Variants in SNX7 observed in about 807,000 individuals in gnomAD.
The protein encoded by SNX7 is sorting nexin 7, also known as sorting nexin-7.
In SNX7, 35 loss-of-function variants were observed where a neutral mutation model predicts 48.4. The ratio of observed to expected loss-of-function variants is 0.72; its 90% CI spans 0.55 to 0.96. The LOEUF is 0.96. Among genes scored for constraint, SNX7 ranks in the 40% least tolerant of loss-of-function variants. The pLI, the probability that SNX7 is intolerant of heterozygous loss-of-function variation, is 0.00. For synonymous variants in SNX7, 190 were observed against 190.2 expected (o/e 1.00, Z 0.01); for missense variants, 553 against 548.9 (o/e 1.01, Z -0.07).
chr1:98,709,043 G>A (rs1266438072), intron 7 of SNX7, among the ~76,000 whole-genome samples: 1 of 152,074 alleles, frequency 6.6e-6, no homozygotes, highest in Non-Finnish European at 1.5e-5. Flanking sequence ...GTGGCATCTG[G>A]GCCATTTACT....
At position 98,673,215 on chromosome 1, in the gene SNX7, G is replaced by A. The variant is rs1378999624; in HGVS notation, c.180+11304G>A. On this transcript the variant is annotated intron_variant, in intron 1 of 8. Coordinates refer to ENST00000306121, the MANE Select transcript of SNX7 (RefSeq NM_015976.5). ...AGCAAATGTGAAAATGAGCTTTGCT[G>A]GTCATTCCTTCATCACAGTCTATGT... Among the ~76,000 whole-genome samples, 3 of 152,262 alleles carry A rather than the reference G, an allele frequency of 2.0e-5. No homozygotes were observed. In the East Asian group the frequency reaches 5.8e-4, roughly 29 times the overall value.
At chr1:98,697,289 T>C (rs1435805881) in intron 5 of SNX7, among the ~76,000 whole-genome samples, 1 of 152,046 alleles carries the variant, frequency 6.6e-6, no homozygotes, top group Non-Finnish European at 1.5e-5. Flanking sequence ...CCATTGTTTT[T>C]AAATTTCATA....
rs566459440 is a variant in SNX7, at chr1:98,684,606, A to C, written c.181-279A>C. Among the ~76,000 whole-genome samples the C allele has an allele frequency of 2.6e-5, 4 of 152,276 alleles. No individual in the cohort carries two copies. The South Asian group carries it at 8.3e-4, about 32-fold the overall frequency. On this transcript the variant is annotated intron_variant, in intron 1 of 8. Transcript: ENST00000306121. Reference sequence around the variant, plus strand: ...TCTTAATACTATTGCATTGGGGATTAAGTTTCAACATGACATTTGGAGGGA... The same window carrying C: ...TCTTAATACTATTGCATTGGGGATTCAGTTTCAACATGACATTTGGAGGGA...
chr1:98,732,348 T>A (rs77480924), intron 7 of SNX7, among the ~76,000 whole-genome samples: 3,159 of 152,102 alleles, frequency 0.021, 117 homozygotes, highest in African/African-American at 0.073. Flanking sequence ...AAGGCTTCAG[T>A]ATTTATAGGG....
intron 8 of SNX7, 62 bp downstream of exon 8, chr1:98,738,451 G>A (rs527831420): frequency 3.3e-5 from 50 of 1,497,436 alleles, no homozygotes; most frequent in South Asian, 1.1e-4. Flanking sequence ...CTTTTGGTCC[G>A]TCCAATGTTG....
chr1:98,730,605 G>A (rs934705520), intron 7 of SNX7, among the ~76,000 whole-genome samples: 12 of 151,868 alleles, frequency 7.9e-5, no homozygotes, highest in African/African-American at 2.7e-4. Context: ...CCTATTCACC[G>A]ACAGTAGACA....
At chr1:98,739,643 G>A (rs892181255) in intron 8 of SNX7, among the ~76,000 whole-genome samples, 8 of 152,078 alleles carry the variant, frequency 5.3e-5, no homozygotes, top group African/African-American at 9.7e-5. Context: ...GAAAAAATAA[G>A]GATATGTTTA....
At chr1:98,687,448 A>G (rs975806310) in intron 2 of SNX7, among the ~76,000 whole-genome samples, 2 of 152,090 alleles carry the variant, frequency 1.3e-5, no homozygotes, top group Non-Finnish European at 2.9e-5. Context: ...ACAGATACAA[A>G]TATATAAATA....
chr1:98,750,201 TATATA>T (rs1419886160), intron 8 of SNX7, among the ~76,000 whole-genome samples: 4 of 151,922 alleles, frequency 2.6e-5, no homozygotes, highest in South Asian at 2.1e-4. Context: ...TATTTTGACT[TATATA>T]ATAATTCGAA....
intron 1 of SNX7, among the ~76,000 whole-genome samples, chr1:98,683,350 T>C (rs953710105): frequency 5.9e-5 from 9 of 152,154 alleles, no homozygotes; most frequent in Non-Finnish European, 1.2e-4. Context: ...GGACTACAAC[T>C]GTCAGTTTTT....
intron 7 of SNX7, among the ~76,000 whole-genome samples, chr1:98,720,423 T>C (rs1374484443): frequency 1.3e-5 from 2 of 152,074 alleles, no homozygotes; most frequent in African/African-American, 4.8e-5. Flanking sequence ...ATGAAGTGAT[T>C]GAGAAAATAT....
At chr1:98,662,001 G>A in intron 1 of SNX7, 90 bp downstream of exon 1, 1 of 1,209,374 alleles carries the variant, frequency 8.3e-7, no homozygotes, top group Non-Finnish European at 1.0e-6. Context: ...TGGCGCGCTT[G>A]CCCTCCCGGG....
At chr1:98,671,323 A>G (rs2100911735) in intron 1 of SNX7, among the ~76,000 whole-genome samples, 1 of 152,292 alleles carries the variant, frequency 6.6e-6, no homozygotes, top group South Asian at 2.1e-4. Context: ...TTTGGATTGC[A>G]TGTATCAATC....
intron 8 of SNX7, among the ~76,000 whole-genome samples, chr1:98,748,545 A>G (rs1240720169): frequency 6.6e-6 from 1 of 151,960 alleles, no homozygotes; most frequent in Non-Finnish European, 1.5e-5. Flanking sequence ...TTCTGAATCA[A>G]GGACATTCTG....
At chr1:98,679,571 A>G (rs991089050) in intron 1 of SNX7, among the ~76,000 whole-genome samples, 2 of 152,202 alleles carry the variant, frequency 1.3e-5, no homozygotes, top group Non-Finnish European at 2.9e-5. Context: ...TCTAATATCA[A>G]AAGGTTAGTC....
intron 7 of SNX7, among the ~76,000 whole-genome samples, chr1:98,733,557 T>C (rs1653625348): frequency 6.6e-6 from 1 of 152,188 alleles, no homozygotes; most frequent in East Asian, 1.9e-4. Context: ...AAGAACTATC[T>C]GTAGTTCTTC....
chr1:98,754,706 T>C (rs1189723232), intron 8 of SNX7, among the ~76,000 whole-genome samples: 1 of 152,056 alleles, frequency 6.6e-6, no homozygotes, highest in Non-Finnish European at 1.5e-5. Context: ...TCTTTTTTTA[T>C]GATCAACATG....
chr1:98,734,866 T>G (rs1360369589), intron 7 of SNX7, among the ~76,000 whole-genome samples: 1 of 152,162 alleles, frequency 6.6e-6, no homozygotes, highest in Non-Finnish European at 1.5e-5. Context: ...CAACAAGGGT[T>G]GCTTGCTTCT....
intron 1 of SNX7, chr1:98,677,155 GA>G (rs1330879959): frequency 1.3e-5 from 2 of 152,212 alleles, no homozygotes; most frequent in African/African-American, 2.4e-5. Context: ...ATATTCTATT[GA>G]GAGTGTTAGT....
Sources: gnomAD v4.1 joint callset for allele counts (sites outside exome capture counted in the v4.1 genomes callset) on GRCh38, gnomAD v4.1.1 for gene constraint, MANE v1.5 for transcripts, NCBI Gene and HGNC (gene_info 2026-07-23, HGNC 2026-07-21) for gene names.